Variants in SLC16A14 observed in about 807,000 individuals in gnomAD.
The protein encoded by SLC16A14 is monocarboxylate transporter 14.
In SLC16A14, 14 loss-of-function variants were observed where a neutral mutation model predicts 35.8. The ratio of observed to expected loss-of-function variants is 0.39; its 90% CI spans 0.26 to 0.61. The LOEUF (loss-of-function observed/expected upper bound fraction) is 0.61. SLC16A14 is among the 20% of genes least tolerant of loss of function. The pLI is 0.51. For synonymous variants in SLC16A14, 248 were observed against 258.9 expected (o/e 0.96, Z 0.40); for missense variants, 533 against 655.0 (o/e 0.81, Z 2.03).
chr2:230,060,010 T>G (rs4528743), intron 1 of SLC16A14, among the ~76,000 whole-genome samples: 73,425 of 151,952 alleles, frequency 0.48, 18,387 homozygotes, highest in African/African-American at 0.58. Context: ...TATACAAGAC[T>G]CATACTTTAC....
rs1256391656 is a variant in SLC16A14, at chr2:230,036,159, G to A, written c.*1221C>T. ...GCAGCCAGAAATTTCAAATGATCTG[G>A]GAAGAACATTCTGCAGTCTGAAAAA... On this transcript the variant is annotated 3_prime_UTR_variant, in exon 5 of 5. Coordinates refer to ENST00000295190, the MANE Select transcript of SLC16A14 (RefSeq NM_152527.5). The A allele has an allele frequency of 6.6e-6, 1 of 152,530 alleles. No individual in the cohort carries two copies. The highest frequency in any genetic ancestry group is 1.5e-5 in the Non-Finnish European group (1 of 68,008). The allele number at this position is 152,530 out of a possible 1,614,324, so 9.4% of individuals were successfully genotyped here.
rs2077514557 is a variant in SLC16A14 at position 230,035,724 on chromosome 2, A to AGT, written c.*1654_*1655dup. ...TCCCGAGTCATTGGAGGTAATATTA[A>AGT]GTATATATATTAACCATGCTTTTGT... is the stretch of plus-strand genomic sequence containing the variant. On this transcript the variant is annotated 3_prime_UTR_variant, in exon 5 of 5. Coordinates refer to ENST00000295190, the MANE Select transcript of SLC16A14 (RefSeq NM_152527.5). The AGT allele has an allele frequency of 6.6e-6, 1 of 152,170 alleles. No homozygotes were observed. Among genetic ancestry groups the AGT allele is most frequent in the Non-Finnish European group, 1.5e-5 (1 of 68,026 alleles). The allele number at this position is 152,170 out of a possible 1,614,324, so 9.4% of individuals were successfully genotyped here.
chr2:230,064,289 T>TC (rs1491450018), intron 1 of SLC16A14, among the ~76,000 whole-genome samples: 2 of 71,744 alleles, frequency 2.8e-5, no homozygotes, highest in East Asian at 4.7e-4. Context: ...CAGCCTTGTC[T>TC]GTGTGTGTGT....
chr2:230,061,816 T>C (rs997701813), intron 1 of SLC16A14, among the ~76,000 whole-genome samples: 2 of 151,370 alleles, frequency 1.3e-5, no homozygotes, highest in Non-Finnish European at 2.9e-5. Flanking sequence ...ATTTTGACTC[T>C]CTGCAACCTC....
chr2:230,047,050 T>A (rs2077614921), intron 3 of SLC16A14, among the ~76,000 whole-genome samples: 1 of 152,156 alleles, frequency 6.6e-6, no homozygotes, highest in South Asian at 2.1e-4. Flanking sequence ...TCACCACTGG[T>A]GTGCCCAGGA....
chr2:230,057,961 C>T (rs919582007), intron 2 of SLC16A14, among the ~76,000 whole-genome samples: 10 of 151,704 alleles, frequency 6.6e-5, no homozygotes, highest in South Asian at 2.1e-4. Context: ...CCTGGATGGC[C>T]GAGGTTGCAG....
At chr2:230,066,245 A>C (rs1222391121) in intron 1 of SLC16A14, among the ~76,000 whole-genome samples, 1 of 152,114 alleles carries the variant, frequency 6.6e-6, no homozygotes, top group East Asian at 1.9e-4. Flanking sequence ...TGGAGGTTGC[A>C]GTGAGCTGAG....
At position 230,037,391 on chromosome 2, in the gene SLC16A14, C is replaced by T. The variant is rs776098991; in HGVS notation, c.1522G>A (p.Ala508Thr). Residue 508 changes from alanine (A) to threonine (T), a missense_variant, in exon 5 of 5, where the codon GCA becomes ACA. Ala to Thr is a moderately conservative substitution (Grantham distance 58). Coordinates refer to ENST00000295190, the MANE Select transcript of SLC16A14 (RefSeq NM_152527.5). Reference sequence around the variant, plus strand: ...AACATTACATGATACTAAACATGTGCACCATCCATGTATTTTCTTCTGGAT... The same window carrying T: ...AACATTACATGATACTAAACATGTGTACCATCCATGTATTTTCTTCTGGAT... ...EQSRRKYMDG[A>T]HV 1.9e-6 allele frequency: 3 copies of T among 1,606,084 alleles called. No individual in the cohort carries two copies. Among genetic ancestry groups the T allele is most frequent in the Admixed American group, 1.7e-5 (1 of 57,594 alleles).
intron 2 of SLC16A14, 123 bp downstream of exon 2, chr2:230,058,971 A>G: frequency 2.0e-6 from 3 of 1,469,558 alleles, no homozygotes; most frequent in Non-Finnish European, 2.7e-6. Flanking sequence ...TTTTATCACA[A>G]TTGAAAAATA....
Position 230,046,341 on chromosome 2 carries a change from A to C in SLC16A14, c.785T>G (p.Leu262Arg), listed in dbSNP as rs1270558620. ...CTGATCGGGGCACTCCTGGGCTTGC[A>C]GGTCGCAGAGGGTCTCCTCGTTCCC... is the stretch of plus-strand genomic sequence containing the variant. Reference protein sequence around the residue: ...GLGNEETLCDLQAQECPDQAG... With the variant: ...GLGNEETLCDRQAQECPDQAG... The change falls in exon 4 of 5, where the codon CTG becomes CGG. Residue 262 changes from leucine to arginine, a missense_variant. By Grantham distance (102) the Leu-to-Arg change is moderately radical. Transcript: ENST00000295190. The surrounding 1 kb of genome is among the most constrained non-coding windows in gnomAD (Gnocchi z 5.0). The C allele has an allele frequency of 6.2e-7, 1 of 1,614,120 alleles. No homozygotes were observed. Among genetic ancestry groups the C allele is most frequent in the Admixed American group, 1.7e-5 (1 of 60,014 alleles).
At chr2:230,053,717 G>C (rs575574906) in intron 2 of SLC16A14, among the ~76,000 whole-genome samples, 1 of 152,302 alleles carries the variant, frequency 6.6e-6, no homozygotes, top group Non-Finnish European at 1.5e-5. Flanking sequence ...GGCAGCAGAG[G>C]TTGCAGTGAG....
chr2:230,054,086 T>TC (rs35736138), intron 2 of SLC16A14, among the ~76,000 whole-genome samples: 2 of 151,148 alleles, frequency 1.3e-5, no homozygotes, highest in Admixed American at 6.6e-5. Flanking sequence ...CAGCCTGAGG[T>TC]GGGGGGGGAA....
chr2:230,061,976 A>G (rs2077755499), intron 1 of SLC16A14, among the ~76,000 whole-genome samples: 1 of 152,146 alleles, frequency 6.6e-6, no homozygotes, highest in South Asian at 2.1e-4. Context: ...TCCTGACCTC[A>G]AGTGATCCTC....
intron 1 of SLC16A14, among the ~76,000 whole-genome samples, chr2:230,061,797 AGTG>A (rs2077754014): frequency 2.0e-5 from 3 of 149,778 alleles, no homozygotes; most frequent in Admixed American, 6.7e-5. Context: ...GCTGGAGGGC[AGTG>A]GCGTAATTTT....
At chr2:230,037,594 G>A (rs1577379751) in intron 4 of SLC16A14, 63 bp from the exon 5 acceptor site, 1 of 1,365,586 alleles carries the variant, frequency 7.3e-7, no homozygotes, top group Non-Finnish European at 9.8e-7. Flanking sequence ...TGAAGAACAT[G>A]AAGCAGGCAT....
At chr2:230,037,589 A>C in intron 4 of SLC16A14, 58 bp from the exon 5 acceptor site, 1 of 1,403,676 alleles carries the variant, frequency 7.1e-7, no homozygotes, top group Non-Finnish European at 9.5e-7. Flanking sequence ...GAAAGTGAAG[A>C]ACATGAAGCA....
chr2:230,055,367 G>A (rs1462844091), intron 2 of SLC16A14, among the ~76,000 whole-genome samples: 1 of 152,130 alleles, frequency 6.6e-6, no homozygotes, highest in Non-Finnish European at 1.5e-5. Context: ...TGGGATAATG[G>A]ACAATAATTT....
intron 2 of SLC16A14, among the ~76,000 whole-genome samples, chr2:230,055,044 A>G (rs2077693618): frequency 6.6e-6 from 1 of 152,238 alleles, no homozygotes. Context: ...ATTTGATGTA[A>G]TGGCAGGCAG....
intron 1 of SLC16A14, among the ~76,000 whole-genome samples, chr2:230,066,417 C>T (rs914011712): frequency 1.3e-5 from 2 of 152,022 alleles, no homozygotes; most frequent in African/African-American, 4.8e-5. Flanking sequence ...GGGAAGATTA[C>T]GGGAGCAATA....
Sources: allele counts gnomAD v4.1 joint callset (sites outside exome capture counted in the v4.1 genomes callset), GRCh38; gene constraint gnomAD v4.1.1; non-coding constraint Gnocchi (gnomAD v3.1); transcripts MANE v1.5; gene names NCBI Gene and HGNC (gene_info 2026-07-23, HGNC 2026-07-21).